The following ULK1 variants were observed in gnomAD, a reference collection of about 807,000 sequenced individuals.
ULK1 encodes the protein serine/threonine-protein kinase ULK1.
Under a neutral mutation model 117.5 loss-of-function variants are expected in ULK1, and 48 were observed. The observed-to-expected ratio is 0.41, with a 90% confidence interval of 0.32 to 0.52. The LOEUF (loss-of-function observed/expected upper bound fraction) is 0.52, where lower values mean the gene tolerates loss of function less well. Ranked by LOEUF, ULK1 falls within the 20% of genes least tolerant of loss-of-function variation. ULK1 has a pLI of 0.29. For synonymous variants in ULK1, 790 were observed against 637.8 expected, an observed-to-expected ratio of 1.24 and a Z score of -3.60; for missense variants, 1,387 against 1,473.4, an observed-to-expected ratio of 0.94 and a Z score of 0.96.
At chr12:131,909,372 C>T (rs1889419774) in intron 8 of ULK1, 135 bp downstream of exon 8, 2 of 1,033,954 alleles carry the variant, frequency 1.9e-6, no homozygotes, top group Non-Finnish European at 2.7e-6. Flanking sequence ...GGCGGGCGTC[C>T]AGGGGTCCAG....
rs372411145 is a variant in ULK1 at position 131,912,077 on chromosome 12, G to A, written c.1084G>A (p.Ala362Thr). 28 of 1,611,758 alleles carry A rather than the reference G, an allele frequency of 1.7e-5. No homozygotes were observed. The highest frequency in any genetic ancestry group is 5.3e-5 in the African/African-American group (4 of 74,928). ...CACAGACGACTTCGTCATGGTCCCC[G>A]CGCAGTTTCCAGGTCAGGGGGCACG... Reference protein sequence around the residue: ...CDTDDFVMVPAQFPGDLVAEA... With the variant: ...CDTDDFVMVPTQFPGDLVAEA... The change falls in exon 13 of 28, where the codon GCG becomes ACG. Residue 362 changes from alanine (A) to threonine (T), a missense_variant. This residue lies in a region of ULK1 where 260 missense variants were observed against 271.6 expected (regional missense o/e 0.96). Transcript: ENST00000321867.
intron 16 of ULK1, 69 bp from the exon 17 acceptor site, chr12:131,915,014 G>A (rs1889709293): frequency 1.1e-5 from 16 of 1,502,284 alleles, no homozygotes; most frequent in South Asian, 4.1e-5. Context: ...TTGTCCCCAG[G>A]TCCTCTGCCG....
At chr12:131,918,999 G>GT in intron 23 of ULK1, among the ~76,000 whole-genome samples, 1 of 138,240 alleles carries the variant, frequency 7.2e-6, no homozygotes, top group Non-Finnish European at 1.6e-5. Context: ...TGTGTGGGGT[G>GT]CAGGGTGTGT....
Position 131,916,964 on chromosome 12 carries a change from C to G in ULK1, c.2084C>G (p.Thr695Ser), listed in dbSNP as rs766630706. Reference sequence around the variant, plus strand: ...GCACACTCCCACAGGTCTTTCAGCACCAGCCGCCTCACTGACCTGCTCCTT... The same window carrying G: ...GCACACTCCCACAGGTCTTTCAGCAGCAGCCGCCTCACTGACCTGCTCCTT... ...PKGPFGRSFSTSRLTDLLLKA... is the reference protein window; with the variant it reads ...PKGPFGRSFSSSRLTDLLLKA... Residue 695 changes from threonine (T) to serine (S), a missense_variant, in exon 21 of 28, where the codon ACC (threonine) becomes AGC (serine). Around this residue, in one of 4 missense-constraint regions of ULK1, gnomAD observed 900 missense variants for 858.9 expected, o/e 1.05. Transcript: ENST00000321867. The G allele has an allele frequency of 3.4e-5, 54 of 1,610,742 alleles. 1 individual carries two copies. In the South Asian group the frequency reaches 5.0e-4, roughly 15 times the overall value.
At chr12:131,909,406 C>T (rs1410590375) in intron 8 of ULK1, among the ~76,000 whole-genome samples, 169 bp downstream of exon 8, 3 of 152,294 alleles carry the variant, frequency 2.0e-5, no homozygotes, top group Admixed American at 2.0e-4. Flanking sequence ...TCGGTGTCCC[C>T]CAGGGAGGGC....
At chr12:131,917,147 G>GGGTTC (rs1889853902) in intron 21 of ULK1, 85 bp downstream of exon 21, 2 of 693,524 alleles carry the variant, frequency 2.9e-6, no homozygotes, top group African/African-American at 9.5e-5. Flanking sequence ...GATGGGGGTC[G>GGGTTC]GAGGCTGTGG....
At chr12:131,913,042 G>C (rs1889609265) in intron 13 of ULK1, among the ~76,000 whole-genome samples, 156 bp from the exon 14 acceptor site, 1 of 152,204 alleles carries the variant, frequency 6.6e-6, no homozygotes, top group South Asian at 2.1e-4. Context: ...AGCCTGGACT[G>C]TACCACCCAG....
In ULK1 at chr12:131,916,121, C is replaced by T. The variant is rs766888342; in HGVS notation, c.1840C>T (p.Arg614Ter). 7 of 1,612,320 alleles carry T rather than the reference C, an allele frequency of 4.3e-6. No homozygotes were observed. The highest frequency in any genetic ancestry group is 2.2e-5 in the East Asian group (1 of 44,868). Residue 614 changes from arginine to a stop codon, truncating the protein, a stop_gained, in exon 19 of 28, where the codon CGA becomes TGA. Coordinates refer to ENST00000321867, the MANE Select transcript of ULK1 (RefSeq NM_003565.4). LOFTEE classifies it high-confidence loss of function. Reference sequence around the variant, plus strand: ...ACCCAAGCTGCCCGACTTCCTGCAGCGAAACCCCCTGCCCCCCATCCTGGG... The same window carrying T: ...ACCCAAGCTGCCCGACTTCCTGCAGTGAAACCCCCTGCCCCCCATCCTGGG... ...GSPKLPDFLQ[R>*]NPLPPILGSP... is the part of the protein sequence containing the mutation.
chr12:131,918,742 G>A (rs1300438116), intron 23 of ULK1, 61 bp downstream of exon 23: 1 of 1,469,500 alleles, frequency 6.8e-7, no homozygotes, highest in South Asian at 1.3e-5. Flanking sequence ...GGTGTGTGGG[G>A]TGTCGGGTGT....
intron 3 of ULK1, among the ~76,000 whole-genome samples, chr12:131,905,392 T>C (rs144199138): frequency 1.3e-3 from 200 of 152,166 alleles, no homozygotes; most frequent in Non-Finnish European, 2.5e-3. Flanking sequence ...GCAGGGGTCC[T>C]GTGTGGGACG....
chr12:131,910,876 G>A (rs1405661595), intron 12 of ULK1, 76 bp downstream of exon 12: 7 of 1,587,368 alleles, frequency 4.4e-6, no homozygotes, highest in African/African-American at 4.0e-5. Flanking sequence ...GGGCCCCCGC[G>A]GGGACGTGCT....
In ULK1 at chr12:131,909,125, T is replaced by G; in HGVS notation, c.565-11T>G. The G allele has an allele frequency of 6.2e-7, 1 of 1,604,010 alleles. No homozygotes were observed. The highest frequency in any genetic ancestry group is 8.5e-7 in the Non-Finnish European group (1 of 1,176,030). ...GGGGGCCTCACACTGACCCGACTTC[T>G]GGTCCCGCAGGCCCCCGAGGTCATC... On this transcript the variant is annotated splice_polypyrimidine_tract_variant and intron_variant, in intron 7 of 27. Coordinates refer to ENST00000321867, the MANE Select transcript of ULK1 (RefSeq NM_003565.4).
intron 5 of ULK1, among the ~76,000 whole-genome samples, chr12:131,908,415 C>T (rs1021331191): frequency 1.3e-5 from 2 of 152,036 alleles, no homozygotes; most frequent in Non-Finnish European, 2.9e-5. Context: ...AGCTGCAGCC[C>T]GGGGCTGAGT....
chr12:131,908,842 GC>G, intron 6 of ULK1, 25 bp downstream of exon 6: 1 of 1,605,406 alleles, frequency 6.2e-7, no homozygotes, highest in Non-Finnish European at 8.5e-7. Flanking sequence ...AGGCAGGCGG[GC>G]CCGGCGGGGA....
rs1164512184 is a variant in ULK1 at position 131,895,665 on chromosome 12, T to C, written c.176T>C (p.Leu59Pro). The change falls in exon 2 of 28, where the codon CTG becomes CCG. Residue 59 changes from leucine to proline, a missense_variant. Around this residue, in one of 4 missense-constraint regions of ULK1, gnomAD observed 224 missense variants for 325.2 expected, o/e 0.69. Coordinates refer to ENST00000321867, the MANE Select transcript of ULK1 (RefSeq NM_003565.4). ...AAGAACCTCGCCAAGTCTCAGACGC[T>C]GCTGGGGAAGGAAATCAAAATCCTG... Reference protein sequence around the residue: ...NKKNLAKSQTLLGKEIKILKE... With the variant: ...NKKNLAKSQTPLGKEIKILKE... The C allele has an allele frequency of 1.2e-6, 2 of 1,614,110 alleles. No individual in the cohort carries two copies. The highest frequency in any genetic ancestry group is 1.7e-6 in the Non-Finnish European group (2 of 1,179,992).
At chr12:131,920,579 G>GT (rs11428159) in intron 26 of ULK1, 40,138 of 193,026 alleles carry the variant, frequency 0.21, 4,852 homozygotes, top group East Asian at 0.53. Context: ...ATTTTTTGTT[G>GT]TTTTTTTTTA....
chr12:131,901,502 A>G (rs571606547), intron 3 of ULK1, among the ~76,000 whole-genome samples: 8 of 152,170 alleles, frequency 5.3e-5, no homozygotes, highest in African/African-American at 1.7e-4. Context: ...CCTCCCTCCT[A>G]TCGAGGGCAC....
chr12:131,914,515 G>A (rs1235329896), intron 16 of ULK1, 38 bp downstream of exon 16: 12 of 1,595,080 alleles, frequency 7.5e-6, no homozygotes, highest in Non-Finnish European at 9.4e-6. Flanking sequence ...GCGTGGCTGG[G>A]GCCTTGTGTG....
chr12:131,914,206 C>G, intron 15 of ULK1, 146 bp from the exon 16 acceptor site: 1 of 1,341,700 alleles, frequency 7.5e-7, no homozygotes, highest in Non-Finnish European at 1.0e-6. Flanking sequence ...GAAGCCGGCT[C>G]TTTTCAGACC....
Sources: gnomAD v4.1 joint callset for allele counts (sites outside exome capture counted in the v4.1 genomes callset) on GRCh38, gnomAD v4.1.1 for gene constraint, gnomAD v4.1.1 regional missense constraint, MANE v1.5 for transcripts, NCBI Gene and HGNC (gene_info 2026-07-23, HGNC 2026-07-21) for gene names.